Variants in CEP128 observed in about 807,000 individuals in gnomAD.
CEP128 encodes the protein centrosomal protein 128, also known as centrosomal protein 128kDa.
CEP128 carries 132 observed loss-of-function variants against 156.7 expected under a neutral mutation model. The ratio of observed to expected loss-of-function variants is 0.84; its 90% CI spans 0.73 to 0.97. CEP128 has a LOEUF of 0.97. CEP128 is among the 50% of genes least tolerant of loss of function. The pLI, the probability that CEP128 is intolerant of heterozygous loss-of-function variation, is 0.00. For synonymous variants in CEP128, 469 were observed against 448.9 expected, an observed-to-expected ratio of 1.04 and a Z score of -0.57; for missense variants, 1,252 against 1,281.9, an observed-to-expected ratio of 0.98 and a Z score of 0.36.
intron 23 of CEP128, among the ~76,000 whole-genome samples, chr14:80,525,747 T>C (rs1888946181): frequency 6.6e-6 from 1 of 152,188 alleles, no homozygotes; most frequent in African/African-American, 2.4e-5. Context: ...CAATAACCTG[T>C]CCTAATTGTG....
intron 24 of CEP128, among the ~76,000 whole-genome samples, chr14:80,502,450 T>C (rs1566742819): frequency 6.6e-6 from 1 of 152,162 alleles, no homozygotes; most frequent in East Asian, 1.9e-4. Context: ...CGCACATGAA[T>C]CATCTATTGC....
chr14:80,724,868 C>T lies in CEP128; in HGVS notation c.2806+18207G>A, dbSNP rs533720674. ...TGACTGTATACTCTAGCCTCCTTGC[C>T]TTGTTGTTTGCTCCTTTGTTCATTC... On this transcript the variant is annotated intron_variant, in intron 19 of 24. Coordinates refer to ENST00000555265, the MANE Select transcript of CEP128 (RefSeq NM_152446.5). 6.6e-5 allele frequency among the ~76,000 whole-genome samples: 10 copies of T among 151,008 alleles called. No individual in the cohort carries two copies. The South Asian group carries it at 1.0e-3, about 16-fold the overall frequency.
chr14:80,757,454 G>A (rs766579040), intron 17 of CEP128, among the ~76,000 whole-genome samples: 1 of 152,104 alleles, frequency 6.6e-6, no homozygotes, highest in Non-Finnish European at 1.5e-5. Context: ...ATGACTTCAC[G>A]CAAACATTGC....
rs1241118447 is a variant in CEP128 at position 80,787,295 on chromosome 14, T to C, written c.1561-1750A>G. 2.6e-5 allele frequency among the ~76,000 whole-genome samples: 4 copies of C among 152,162 alleles called. No homozygotes were observed. The East Asian group carries it at 7.7e-4, about 29-fold the overall frequency. On this transcript the variant is annotated intron_variant, in intron 14 of 24. Coordinates refer to ENST00000555265, the MANE Select transcript of CEP128 (RefSeq NM_152446.5). The stretch of plus-strand genomic sequence containing the variant: ...CTTGTTTCCATACAGTTGTAGGACT[T>C]TGGGTCCCCATTTCCTTGCTAGCTT...
intron 12 of CEP128, among the ~76,000 whole-genome samples, chr14:80,831,791 T>A (rs950343040): frequency 6.6e-6 from 1 of 152,216 alleles, no homozygotes; most frequent in African/African-American, 2.4e-5. Context: ...TTTAACAATA[T>A]AAATTGACTT....
chr14:80,597,633 AAAAG>A (rs1428891801), intron 19 of CEP128, among the ~76,000 whole-genome samples: 4 of 148,440 alleles, frequency 2.7e-5, no homozygotes, highest in East Asian at 2.1e-4. Flanking sequence ...AGAAAGAAAG[AAAAG>A]AAAGAAAAGA....
intron 9 of CEP128, among the ~76,000 whole-genome samples, chr14:80,844,715 A>G (rs986668103): frequency 6.6e-6 from 1 of 152,106 alleles, no homozygotes; most frequent in African/African-American, 2.4e-5. Context: ...ATAAAGCTCA[A>G]GGTTTTATTT....
At position 80,910,634 on chromosome 14, in the gene CEP128, C is replaced by T. The variant is rs141673934; in HGVS notation, c.234+3688G>A. ...CCTGTGGAACGGTGAGCCAATTAAA[C>T]CTCTTTTCTTTATAAATTACCCAGT... On this transcript the variant is annotated intron_variant, in intron 4 of 24. Coordinates refer to ENST00000555265, the MANE Select transcript of CEP128 (RefSeq NM_152446.5). Among the ~76,000 whole-genome samples the T allele has an allele frequency of 1.4e-4, 22 of 152,228 alleles. 1 individual carries two copies. In the East Asian group the frequency reaches 3.7e-3, roughly 25 times the overall value.
chr14:80,594,322 C>T (rs1595061107), intron 19 of CEP128, among the ~76,000 whole-genome samples: 1 of 152,128 alleles, frequency 6.6e-6, no homozygotes, highest in South Asian at 2.1e-4. Flanking sequence ...AAAATTAACT[C>T]CAGATGAATT....
chr14:80,704,714 C>A (rs1440485832), intron 19 of CEP128, among the ~76,000 whole-genome samples: 1 of 123,146 alleles, frequency 8.1e-6, no homozygotes, highest in Non-Finnish European at 1.8e-5. Context: ...ATACTGATGT[C>A]AAAATTTAGC....
chr14:80,606,274 A>G (rs1412487305), intron 19 of CEP128, among the ~76,000 whole-genome samples: 1 of 152,140 alleles, frequency 6.6e-6, no homozygotes, highest in Admixed American at 6.6e-5. Context: ...CTTTCCTATT[A>G]GAGTTGACCA....
chr14:80,952,923 C>T (rs899904564), intron 2 of CEP128, among the ~76,000 whole-genome samples: 3 of 152,126 alleles, frequency 2.0e-5, no homozygotes, highest in African/African-American at 7.2e-5. Context: ...CATTATATGA[C>T]ACAAACTGCC....
At chr14:80,769,791 C>T (rs1414097978) in intron 16 of CEP128, among the ~76,000 whole-genome samples, 1 of 151,870 alleles carries the variant, frequency 6.6e-6, no homozygotes, top group Non-Finnish European at 1.5e-5. Context: ...CATTAAACAA[C>T]AAAATGAATT....
intron 19 of CEP128, among the ~76,000 whole-genome samples, chr14:80,694,962 G>A (rs1896841806): frequency 6.6e-6 from 1 of 151,516 alleles, no homozygotes. Flanking sequence ...AGAGATTTAG[G>A]TTCCATGATT....
At chr14:80,933,185 C>T (rs1169691206) in intron 2 of CEP128, among the ~76,000 whole-genome samples, 1 of 152,118 alleles carries the variant, frequency 6.6e-6, no homozygotes, top group African/African-American at 2.4e-5. Context: ...GCCCATCATT[C>T]GTGGTGTGGT....
intron 19 of CEP128, among the ~76,000 whole-genome samples, chr14:80,662,271 G>C (rs1442475149): frequency 6.6e-6 from 1 of 152,076 alleles, no homozygotes; most frequent in African/African-American, 2.4e-5. Flanking sequence ...AAATCTGCTT[G>C]TTTCTGTTTA....
chr14:80,513,020 G>A (rs1025451723), intron 23 of CEP128, among the ~76,000 whole-genome samples: 3 of 152,052 alleles, frequency 2.0e-5, no homozygotes, highest in Non-Finnish European at 2.9e-5. Flanking sequence ...TGTAATTGCA[G>A]TGTTATAATG....
chr14:80,740,551 C>CAGATAGAT lies in CEP128; in HGVS notation c.2806+2516_2806+2523dup, dbSNP rs60045247. On this transcript the variant is annotated intron_variant, in intron 19 of 24. Coordinates refer to ENST00000555265, the MANE Select transcript of CEP128 (RefSeq NM_152446.5). ...ATAGATAGATAGATAGATAGACAGA[C>CAGATAGAT]AGATAGATAGAAATGATGCATATTT... Among the ~76,000 whole-genome samples, 823 of 140,010 alleles carry CAGATAGAT rather than the reference C, an allele frequency of 5.9e-3. 8 individuals carry two copies. Among genetic ancestry groups the CAGATAGAT allele is most frequent in the South Asian group, 0.011 (47 of 4,468 alleles). 91.9% of individuals were successfully genotyped at this position (140,010 alleles called of 152,430 possible).
intron 19 of CEP128, among the ~76,000 whole-genome samples, chr14:80,589,562 G>A (rs1891959107): frequency 1.3e-5 from 2 of 152,086 alleles, no homozygotes; most frequent in African/African-American, 4.8e-5. Context: ...CTCCAAAATT[G>A]TTAGTTTCCT....
Sources: gnomAD v4.1 joint callset for allele counts (sites outside exome capture counted in the v4.1 genomes callset) on GRCh38, gnomAD v4.1.1 for gene constraint, MANE v1.5 for transcripts, NCBI Gene and HGNC (gene_info 2026-07-23, HGNC 2026-07-21) for gene names.